The following OLIG2 variants were observed in gnomAD, a reference collection of about 807,000 sequenced individuals.
OLIG2 encodes the protein oligodendrocyte transcription factor 2.
OLIG2 carries 12 observed loss-of-function variants against 13.4 expected under a neutral mutation model. The ratio of observed to expected loss-of-function variants is 0.90; its 90% CI spans 0.58 to 1.46. OLIG2 has a LOEUF of 1.46. OLIG2 is among the 40% of genes most tolerant of loss of function. The probability of loss-of-function intolerance (pLI) is 0.00; values close to 1 mark genes in which losing one functional copy is unlikely to be tolerated. For synonymous variants in OLIG2, 250 were observed against 233.6 expected (o/e 1.07, Z -0.64); for missense variants, 415 against 487.9 (o/e 0.85, Z 1.41).
In OLIG2 at chr21:33,027,621, C is replaced by T. The variant is rs17854476; in HGVS notation, c.759C>T (p.Ser253=). The change falls in exon 2 of 2, where the codon TCC becomes TCT. Residue 253 remains serine (S), a synonymous_variant. Transcript: ENST00000382357. ...LPGSGLPSVG[S]IRPPHGLLKS... ...GATCCGGGCTGCCGTCGGTCGGCTCCATCCGTCCACCGCACGGCCTACTCA... is the reference window on the plus strand; with the variant it reads ...GATCCGGGCTGCCGTCGGTCGGCTCTATCCGTCCACCGCACGGCCTACTCA... 9.5e-6 allele frequency: 14 copies of T among 1,476,146 alleles called. No individual in the cohort carries two copies. The highest frequency in any genetic ancestry group is 1.3e-5 in the South Asian group (1 of 78,168). 91.4% of individuals were successfully genotyped at this position (1,476,146 alleles called of 1,614,324 possible).
At position 33,027,049 on chromosome 21, in the gene OLIG2, G is replaced by A. The variant is rs745638918; in HGVS notation, c.187G>A (p.Gly63Ser). The A allele has an allele frequency of 3.8e-5, 62 of 1,611,788 alleles. No individual in the cohort carries two copies. Among genetic ancestry groups the A allele is most frequent in the Non-Finnish European group, 5.0e-5 (59 of 1,179,148 alleles). The change falls in exon 2 of 2, where the codon GGC (glycine) becomes AGC (serine). Residue 63 changes from glycine to serine, a missense_variant. Gly to Ser is a moderately conservative substitution (Grantham distance 56, BLOSUM62 0). This residue lies in a region of OLIG2 where 122 missense variants were observed against 126.8 expected (regional missense o/e 0.96). Transcript: ENST00000382357. ...AELRGAMGSAGAHPGDKLGGS... is the reference protein window; with the variant it reads ...AELRGAMGSASAHPGDKLGGS... ...GCTGCGCGGCGCTATGGGCTCTGCG[G>A]GCGCGCATCCTGGGGACAAGCTAGG...
Position 33,027,229 on chromosome 21 carries a change from G to C in OLIG2, c.367G>C (p.Asp123His). Residue 123 changes from aspartate (D) to histidine (H), a missense_variant, in exon 2 of 2, where the codon GAC (aspartate) becomes CAC (histidine). Asp to His is a moderately conservative substitution (Grantham distance 81). Coordinates refer to ENST00000382357, the MANE Select transcript of OLIG2 (RefSeq NM_005806.4). ...INSRERKRMH[D>H]LNIAMDGLRE... Reference sequence around the variant, plus strand: ...CAGCCGCGAGCGCAAGCGCATGCACGACCTCAACATCGCCATGGATGGCCT... The same window carrying C: ...CAGCCGCGAGCGCAAGCGCATGCACCACCTCAACATCGCCATGGATGGCCT... 3.7e-6 allele frequency: 6 copies of C among 1,610,758 alleles called. No homozygotes were observed. The highest frequency in any genetic ancestry group is 5.1e-6 in the Non-Finnish European group (6 of 1,178,920).
chr21:33,027,774 C>T lies in OLIG2; in HGVS notation c.912C>T (p.His304=), dbSNP rs555647590. ...PCSMCQVPPP[H]HHVSAMGAGS... is the part of the protein sequence containing the mutation. ...GCATGTGCCAGGTGCCGCCGCCGCA[C>T]CACCACGTGTCGGCTATGGGCGCCG... Residue 304 remains histidine, a synonymous_variant, in exon 2 of 2, where the codon CAC becomes CAT. Coordinates refer to ENST00000382357, the MANE Select transcript of OLIG2 (RefSeq NM_005806.4). 1.3e-4 allele frequency: 180 copies of T among 1,423,810 alleles called. 1 individual carries two copies. The East Asian group carries it at 5.5e-3, about 43-fold the overall frequency. 88.2% of individuals were successfully genotyped at this position (1,423,810 alleles called of 1,614,324 possible).
At position 33,027,751 on chromosome 21, in the gene OLIG2, A is replaced by T; in HGVS notation, c.889A>T (p.Met297Leu). 1 of 1,399,528 alleles carries T rather than the reference A, an allele frequency of 7.1e-7. No individual in the cohort carries two copies. Among genetic ancestry groups the T allele is most frequent in the Non-Finnish European group, 9.2e-7 (1 of 1,082,852 alleles). 86.7% of individuals were successfully genotyped at this position (1,399,528 alleles called of 1,614,324 possible). A position where few individuals can be genotyped will look rare whatever the true frequency, so the allele number is the denominator to read the frequency against. Residue 297 changes from methionine to leucine, a missense_variant, in exon 2 of 2, where the codon ATG becomes TTG. Physicochemically the swap from Met to Leu is conservative, Grantham distance 15. This residue lies in a region of OLIG2 where 243 missense variants were observed against 241.2 expected (regional missense o/e 1.01). Coordinates refer to ENST00000382357, the MANE Select transcript of OLIG2 (RefSeq NM_005806.4). The stretch of plus-strand genomic sequence containing the variant: ...GGGCGGCATGCCCTGCCCCTGCAGC[A>T]TGTGCCAGGTGCCGCCGCCGCACCA... Reference protein sequence around the residue: ...HWGGMPCPCSMCQVPPPHHHV... With the variant: ...HWGGMPCPCSLCQVPPPHHHV...
In OLIG2 at chr21:33,027,008, C is replaced by A. The variant is rs1981106175; in HGVS notation, c.146C>A (p.Pro49Gln). 1.2e-6 allele frequency: 2 copies of A among 1,612,008 alleles called. No individual in the cohort carries two copies. The highest frequency in any genetic ancestry group is 1.3e-5 in the African/African-American group (1 of 74,904). ...VSSSTPSDCP[P>Q]ELSAELRGAM... is the part of the protein sequence containing the mutation. ...TCGTCCACCCCGAGTGACTGCCCGC[C>A]GGAGCTGAGCGCCGAGCTGCGCGGC... The change falls in exon 2 of 2, where the codon CCG becomes CAG. Residue 49 changes from proline (P) to glutamine (Q), a missense_variant. Coordinates refer to ENST00000382357, the MANE Select transcript of OLIG2 (RefSeq NM_005806.4).
chr21:33,027,997 A>C lies in OLIG2; in HGVS notation c.*163A>C. ...ATTCCAGCATCTGCGAACCCAAGCA[A>C]TGGGGGCGCCCACAGAGCAGTGGGG... On this transcript the variant is annotated 3_prime_UTR_variant, in exon 2 of 2. Coordinates refer to ENST00000382357, the MANE Select transcript of OLIG2 (RefSeq NM_005806.4). The C allele has an allele frequency of 4.1e-6, 3 of 730,408 alleles. No homozygotes were observed. Among genetic ancestry groups the C allele is most frequent in the Non-Finnish European group, 6.1e-6 (3 of 491,782 alleles). 45.2% of individuals were successfully genotyped at this position (730,408 alleles called of 1,614,324 possible). A position where few individuals can be genotyped will look rare whatever the true frequency, so the allele number is the denominator to read the frequency against.
At position 33,027,857 on chromosome 21, in the gene OLIG2, T is replaced by C. The variant is rs1981161619; in HGVS notation, c.*23T>C. Reference sequence around the variant, plus strand: ...TGAGCCGACTGGCGCCGGCGCGTTCTGGCGACAGGGGAGCCAGGGGCCGCG... The same window carrying C: ...TGAGCCGACTGGCGCCGGCGCGTTCCGGCGACAGGGGAGCCAGGGGCCGCG... On this transcript the variant is annotated 3_prime_UTR_variant, in exon 2 of 2. Coordinates refer to ENST00000382357, the MANE Select transcript of OLIG2 (RefSeq NM_005806.4). 2.2e-6 allele frequency: 3 copies of C among 1,369,074 alleles called. No homozygotes were observed. The highest frequency in any genetic ancestry group is 2.8e-6 in the Non-Finnish European group (3 of 1,067,772). 84.8% of individuals were successfully genotyped at this position (1,369,074 alleles called of 1,614,324 possible).
rs1981139141 is a variant in OLIG2 at position 33,027,502 on chromosome 21, C to T, written c.640C>T (p.His214Tyr). 6.7e-7 allele frequency: 1 copy of T among 1,482,542 alleles called. No homozygotes were observed. The highest frequency in any genetic ancestry group is 2.8e-5 in the East Asian group (1 of 35,594). 91.8% of individuals were successfully genotyped at this position (1,482,542 alleles called of 1,614,324 possible). A position where few individuals can be genotyped will look rare whatever the true frequency, so the allele number is the denominator to read the frequency against. ...HPAAAAHAAH[H>Y]PAVHHPILPP... The stretch of plus-strand genomic sequence containing the variant: ...GGCAGCAGCAGCGCACGCCGCACAT[C>T]ACCCCGCGGTGCACCACCCCATCCT... Residue 214 changes from histidine to tyrosine, a missense_variant, in exon 2 of 2, where the codon CAC (histidine) becomes TAC (tyrosine). His to Tyr is a moderately conservative substitution (Grantham distance 83). Coordinates refer to ENST00000382357, the MANE Select transcript of OLIG2 (RefSeq NM_005806.4).
Position 33,027,275 on chromosome 21 carries a change from C to G in OLIG2, c.413C>G (p.Ala138Gly). ...GGCCTCCGCGAGGTCATGCCGTACG[C>G]ACACGGCCCTTCGGTGCGCAAGCTT... ...MDGLREVMPY[A>G]HGPSVRKLSK... is the part of the protein sequence containing the mutation. Residue 138 changes from alanine to glycine, a missense_variant, in exon 2 of 2, where the codon GCA becomes GGA. Physicochemically the swap from Ala to Gly is moderately conservative, Grantham distance 60. This residue lies in a region of OLIG2 where 50 missense variants were observed against 119.9 expected (regional missense o/e 0.42). Coordinates refer to ENST00000382357, the MANE Select transcript of OLIG2 (RefSeq NM_005806.4). 1 of 1,608,724 alleles carries G rather than the reference C, an allele frequency of 6.2e-7. No individual in the cohort carries two copies. Among genetic ancestry groups the G allele is most frequent in the Non-Finnish European group, 8.5e-7 (1 of 1,178,006 alleles).
rs764090183 is a variant in OLIG2 at position 33,027,868 on chromosome 21, G to C, written c.*34G>C. 2.6e-5 allele frequency: 35 copies of C among 1,362,614 alleles called. No individual in the cohort carries two copies. In the South Asian group the frequency reaches 5.9e-4, roughly 23 times the overall value. 84.4% of individuals were successfully genotyped at this position (1,362,614 alleles called of 1,614,324 possible). Reference sequence around the variant, plus strand: ...GCGCCGGCGCGTTCTGGCGACAGGGGAGCCAGGGGCCGCGGGGAAGCGAGG... The same window carrying C: ...GCGCCGGCGCGTTCTGGCGACAGGGCAGCCAGGGGCCGCGGGGAAGCGAGG... On this transcript the variant is annotated 3_prime_UTR_variant, in exon 2 of 2. Transcript: ENST00000382357.
Position 33,026,966 on chromosome 21 carries a change from C to T in OLIG2, c.104C>T (p.Thr35Ile), listed in dbSNP as rs768137245. 3.7e-6 allele frequency: 6 copies of T among 1,612,506 alleles called. No homozygotes were observed. The highest frequency in any genetic ancestry group is 3.4e-6 in the Non-Finnish European group (4 of 1,179,844). Residue 35 changes from threonine to isoleucine, a missense_variant, in exon 2 of 2, where the codon ACT becomes ATT. This residue lies in a region of OLIG2 where 122 missense variants were observed against 126.8 expected (regional missense o/e 0.96). Transcript: ENST00000382357. This position sits in a 1 kb window ranked among gnomAD's most constrained non-coding sequence, Gnocchi z 6.6. ...AAGGGCAGCAGCGGCAGCGCCTTCA[C>T]TGGGGGCACCGTGTCCTCGTCCACC... ...RSKGSSGSAFTGGTVSSSTPS... is the reference protein window; with the variant it reads ...RSKGSSGSAFIGGTVSSSTPS...
rs1183466659 is a variant in OLIG2 at position 33,029,080 on chromosome 21, G to A, written c.*1246G>A. 1 of 232,596 alleles carries A rather than the reference G, an allele frequency of 4.3e-6. No individual in the cohort carries two copies. Among genetic ancestry groups the A allele is most frequent in the Non-Finnish European group, 9.2e-6 (1 of 108,284 alleles). 14.4% of individuals were successfully genotyped at this position (232,596 alleles called of 1,614,324 possible). A position where few individuals can be genotyped will look rare whatever the true frequency, so the allele number is the denominator to read the frequency against. ...GATCGCACCGCCCCTCGCAGAGAGTGTATCATCTGTTTTATTTTTGTAAAA... is the reference window on the plus strand; with the variant it reads ...GATCGCACCGCCCCTCGCAGAGAGTATATCATCTGTTTTATTTTTGTAAAA... On this transcript the variant is annotated 3_prime_UTR_variant, in exon 2 of 2. Transcript: ENST00000382357.
chr21:33,029,037 G>T lies in OLIG2; in HGVS notation c.*1203G>T, dbSNP rs1449401457. On this transcript the variant is annotated 3_prime_UTR_variant, in exon 2 of 2. Transcript: ENST00000382357. ...CAAACTGGGCTTTGTAGCGTCTGCC[G>T]TGTAACACCCTTCCTCTGATCGCAC... is the stretch of plus-strand genomic sequence containing the variant. 1 of 240,396 alleles carries T rather than the reference G, an allele frequency of 4.2e-6. No individual in the cohort carries two copies. Among genetic ancestry groups the T allele is most frequent in the African/African-American group, 2.2e-5 (1 of 44,906 alleles). The allele number at this position is 240,396 out of a possible 1,614,324, so 14.9% of individuals were successfully genotyped here. A position where few individuals can be genotyped will look rare whatever the true frequency, so the allele number is the denominator to read the frequency against.
In OLIG2 at chr21:33,027,303, C is replaced by T; in HGVS notation, c.441C>T (p.Ser147=). 1 of 1,603,630 alleles carries T rather than the reference C, an allele frequency of 6.2e-7. No individual in the cohort carries two copies. Among genetic ancestry groups the T allele is most frequent in the Non-Finnish European group, 8.5e-7 (1 of 1,175,474 alleles). Reference sequence around the variant, plus strand: ...ACGGCCCTTCGGTGCGCAAGCTTTCCAAGATCGCCACGCTGCTGCTGGCGC... The same window carrying T: ...ACGGCCCTTCGGTGCGCAAGCTTTCTAAGATCGCCACGCTGCTGCTGGCGC... ...YAHGPSVRKL[S]KIATLLLARN... is the part of the protein sequence containing the mutation. The change falls in exon 2 of 2, where the codon TCC becomes TCT. Residue 147 remains serine (S), a synonymous_variant. Transcript: ENST00000382357.
At position 33,026,683 on chromosome 21, in the gene OLIG2, G is replaced by C. The variant is rs1981083775; in HGVS notation, c.-62-118G>C. The C allele has an allele frequency of 1.3e-6, 1 of 754,978 alleles. No individual in the cohort carries two copies. Among genetic ancestry groups the C allele is most frequent in the Admixed American group, 2.9e-5 (1 of 33,958 alleles). The allele number at this position is 754,978 out of a possible 1,614,324, so 46.8% of individuals were successfully genotyped here. On this transcript the variant is annotated intron_variant, in intron 1 of 1. Coordinates refer to ENST00000382357, the MANE Select transcript of OLIG2 (RefSeq NM_005806.4). The surrounding 1 kb of genome is among the most constrained non-coding windows in gnomAD (Gnocchi z 6.6). Reference sequence around the variant, plus strand: ...CACGGGCCACCTGTGCCGGGACCCCGCGCTGTGGTACTGCGGTGCAGGCGG... The same window carrying C: ...CACGGGCCACCTGTGCCGGGACCCCCCGCTGTGGTACTGCGGTGCAGGCGG...
At position 33,026,369 on chromosome 21, in the gene OLIG2, G is replaced by C. The variant is rs946524422; in HGVS notation, c.-63+343G>C. ...TGCTGCGTGGTGTCGATGGAGATAAGGTGGATCCGTTTGAGGAACCAAATC... is the reference window on the plus strand; with the variant it reads ...TGCTGCGTGGTGTCGATGGAGATAACGTGGATCCGTTTGAGGAACCAAATC... On this transcript the variant is annotated intron_variant, in intron 1 of 1. Coordinates refer to ENST00000382357, the MANE Select transcript of OLIG2 (RefSeq NM_005806.4). This position sits in a 1 kb window ranked among gnomAD's most constrained non-coding sequence, Gnocchi z 6.6. 1 of 161,452 alleles carries C rather than the reference G, an allele frequency of 6.2e-6. No homozygotes were observed. The highest frequency in any genetic ancestry group is 1.4e-5 in the Non-Finnish European group (1 of 72,946). The allele number at this position is 161,452 out of a possible 1,614,324, so 10.0% of individuals were successfully genotyped here.
rs748419439 is a variant in OLIG2 at position 33,026,575 on chromosome 21, G to A, written c.-62-226G>A. ...AAATAACCTGTTGCATGAGAGCAGA[G>A]GGGAGATAGAGAGAGCTTAATTATA... On this transcript the variant is annotated intron_variant, in intron 1 of 1. Transcript: ENST00000382357. This position sits in a 1 kb window ranked among gnomAD's most constrained non-coding sequence, Gnocchi z 6.6. 13 of 488,798 alleles carry A rather than the reference G, an allele frequency of 2.7e-5. No individual in the cohort carries two copies. Among genetic ancestry groups the A allele is most frequent in the Non-Finnish European group, 4.4e-5 (12 of 272,404 alleles). The allele number at this position is 488,798 out of a possible 1,614,324, so 30.3% of individuals were successfully genotyped here. A position where few individuals can be genotyped will look rare whatever the true frequency, so the allele number is the denominator to read the frequency against.
chr21:33,027,643 C>A lies in OLIG2; in HGVS notation c.781C>A (p.Leu261Ile). Residue 261 changes from leucine to isoleucine, a missense_variant, in exon 2 of 2, where the codon CTC (leucine) becomes ATC (isoleucine). By Grantham distance (5) the Leu-to-Ile change is conservative. This residue lies in a region of OLIG2 where 243 missense variants were observed against 241.2 expected (regional missense o/e 1.01). Coordinates refer to ENST00000382357, the MANE Select transcript of OLIG2 (RefSeq NM_005806.4). ...VGSIRPPHGLLKSPSAAAAAP... is the reference protein window; with the variant it reads ...VGSIRPPHGLIKSPSAAAAAP... ...CTCCATCCGTCCACCGCACGGCCTA[C>A]TCAAGTCTCCGTCTGCTGCCGCGGC... The A allele has an allele frequency of 1.4e-6, 2 of 1,440,570 alleles. No homozygotes were observed. Among genetic ancestry groups the A allele is most frequent in the Admixed American group, 5.9e-5 (2 of 33,958 alleles). 89.2% of individuals were successfully genotyped at this position (1,440,570 alleles called of 1,614,324 possible). A position where few individuals can be genotyped will look rare whatever the true frequency, so the allele number is the denominator to read the frequency against.
rs1981209600 is a variant in OLIG2, at chr21:33,028,843, A to T, written c.*1009A>T. 4.1e-6 allele frequency: 1 copy of T among 242,786 alleles called. No individual in the cohort carries two copies. The highest frequency in any genetic ancestry group is 5.7e-5 in the Admixed American group (1 of 17,608). 15.0% of individuals were successfully genotyped at this position (242,786 alleles called of 1,614,324 possible). On this transcript the variant is annotated 3_prime_UTR_variant, in exon 2 of 2. Coordinates refer to ENST00000382357, the MANE Select transcript of OLIG2 (RefSeq NM_005806.4). ...TGGATGTGTAAATTTATCAATGATGAGGTAAGTGCGCAATGCTAAGCTGTT... is the reference window on the plus strand; with the variant it reads ...TGGATGTGTAAATTTATCAATGATGTGGTAAGTGCGCAATGCTAAGCTGTT...
Sources: gnomAD v4.1 joint callset for allele counts on GRCh38, gnomAD v4.1.1 for gene constraint, gnomAD v4.1.1 regional missense constraint, Gnocchi (gnomAD v3.1) non-coding constraint, MANE v1.5 for transcripts, NCBI Gene and HGNC (gene_info 2026-07-23, HGNC 2026-07-21) for gene names.